ERLEC1: variants seen among roughly 807,000 people sequenced by gnomAD.
ERLEC1 encodes the protein ER lectin.
A neutral mutation model predicts 68.0 loss-of-function variants in ERLEC1; 47 were observed. That is an observed-to-expected ratio of 0.69 (90% CI 0.55 to 0.88). The LOEUF (loss-of-function observed/expected upper bound fraction) is 0.88, where lower values mean the gene tolerates loss of function less well. Ranked by LOEUF, ERLEC1 falls within the 40% of genes least tolerant of loss-of-function variation. ERLEC1 has a pLI of 0.00. For synonymous variants in ERLEC1, 225 were observed against 203.2 expected (o/e 1.11, Z -0.91); for missense variants, 567 against 583.8 (o/e 0.97, Z 0.30).
intron 1 of ERLEC1, among the ~76,000 whole-genome samples, chr2:53,792,920 G>C (rs1573065634): frequency 6.6e-6 from 1 of 152,084 alleles, no homozygotes; most frequent in East Asian, 1.9e-4. Flanking sequence ...TAAGGCGGGA[G>C]GATCACCTGA....
chr2:53,794,226 A>G (rs1675563433), intron 1 of ERLEC1, 119 bp from the exon 2 acceptor site: 1 of 509,504 alleles, frequency 2.0e-6, no homozygotes, highest in South Asian at 4.1e-5. Context: ...CCTTTAAAAT[A>G]ATCATCTGTT....
chr2:53,816,957 C>G (rs1393390135), intron 13 of ERLEC1, among the ~76,000 whole-genome samples: 1 of 152,158 alleles, frequency 6.6e-6, no homozygotes, highest in Non-Finnish European at 1.5e-5. Context: ...GAATCTCAGA[C>G]ACTGCTTTAT....
At chr2:53,815,922 C>G (rs1217310907) in intron 13 of ERLEC1, among the ~76,000 whole-genome samples, 3 of 152,130 alleles carry the variant, frequency 2.0e-5, no homozygotes, top group Admixed American at 6.5e-5. Flanking sequence ...TAACAGAGGT[C>G]TGGACATTAA....
intron 3 of ERLEC1, among the ~76,000 whole-genome samples, chr2:53,797,222 T>A (rs958328328): frequency 6.6e-5 from 10 of 152,194 alleles, no homozygotes; most frequent in African/African-American, 2.4e-4. Context: ...TTAATTTAAA[T>A]TGCTAATTGT....
rs1675791515 is a variant in ERLEC1 at position 53,797,751 on chromosome 2, A to T, written c.446A>T (p.Tyr149Phe). 5 of 1,612,428 alleles carry T rather than the reference A, an allele frequency of 3.1e-6. No individual in the cohort carries two copies. The highest frequency in any genetic ancestry group is 4.2e-6 in the Non-Finnish European group (5 of 1,179,028). ...ETGQKINIHE[Y>F]YLGNMLAKNL... ...ATGTAGAAAATAAATATTCACGAGT[A>T]CTACCTTGGGAATATGTTGGCCAAG... Residue 149 changes from tyrosine to phenylalanine, a missense_variant, in exon 5 of 14, where the codon TAC (tyrosine) becomes TTC (phenylalanine). Physicochemically the swap from Tyr to Phe is conservative, Grantham distance 22. Coordinates refer to ENST00000185150, the MANE Select transcript of ERLEC1 (RefSeq NM_015701.5).
intron 8 of ERLEC1, among the ~76,000 whole-genome samples, chr2:53,807,782 A>C (rs1278842648): frequency 6.6e-6 from 1 of 152,058 alleles, no homozygotes; most frequent in Non-Finnish European, 1.5e-5. Context: ...CGAGGTGGGT[A>C]GATTACTTGA....
intron 11 of ERLEC1, among the ~76,000 whole-genome samples, chr2:53,814,136 T>A (rs1201369213): frequency 6.6e-6 from 1 of 152,216 alleles, no homozygotes; most frequent in Non-Finnish European, 1.5e-5. Context: ...TCTTCTATAC[T>A]ACAGTGCCTA....
intron 9 of ERLEC1, 88 bp downstream of exon 9, chr2:53,808,548 T>C: frequency 2.3e-6 from 3 of 1,325,516 alleles, no homozygotes; most frequent in Non-Finnish European, 3.1e-6. Context: ...CTGAAAAGAA[T>C]TTTTCTCTAG....
chr2:53,805,665 G>A (rs1031602808), intron 8 of ERLEC1, among the ~76,000 whole-genome samples: 1 of 152,230 alleles, frequency 6.6e-6, no homozygotes, highest in Non-Finnish European at 1.5e-5. Context: ...TATAGACCCA[G>A]CAGTGGGATT....
intron 13 of ERLEC1, among the ~76,000 whole-genome samples, chr2:53,816,570 C>A (rs578071409): frequency 2.2e-4 from 33 of 151,958 alleles, no homozygotes; most frequent in African/African-American, 7.7e-4. Flanking sequence ...GCACCCAGCC[C>A]CATTTTCTTA....
At chr2:53,787,698 T>A (rs1675134111) in intron 1 of ERLEC1, 1 of 255,100 alleles carries the variant, frequency 3.9e-6, no homozygotes, top group Admixed American at 5.2e-5. Context: ...CTCATCTTCC[T>A]TTCGGAAAAT....
At position 53,810,603 on chromosome 2, in the gene ERLEC1, C is replaced by A. The variant is rs576721056; in HGVS notation, c.1101+1330C>A. ...GTTATCTAAAAAAGAAAATAATACC[C>A]AAAATAGAAAAGTGTATATTTGCCC... On this transcript the variant is annotated intron_variant, in intron 10 of 13. Transcript: ENST00000185150. Among the ~76,000 whole-genome samples, 3 of 152,204 alleles carry A rather than the reference C, an allele frequency of 2.0e-5. No homozygotes were observed. In the East Asian group the frequency reaches 5.8e-4, roughly 29 times the overall value.
intron 8 of ERLEC1, among the ~76,000 whole-genome samples, chr2:53,807,419 T>TC (rs397729197): frequency 3.4e-5 from 5 of 148,194 alleles, no homozygotes; most frequent in African/African-American, 1.3e-4. Context: ...GCCTTTTTTT[T>TC]CTTTGAGACA....
chr2:53,799,170 T>C (rs1259458748), intron 6 of ERLEC1, 89 bp downstream of exon 6: 1 of 1,091,186 alleles, frequency 9.2e-7, no homozygotes, highest in East Asian at 2.5e-5. Flanking sequence ...AATATATCTT[T>C]ATGTTCTTAT....
At chr2:53,795,577 T>C (rs564548033) in intron 2 of ERLEC1, among the ~76,000 whole-genome samples, 1 of 152,354 alleles carries the variant, frequency 6.6e-6, no homozygotes, top group South Asian at 2.1e-4. Context: ...GCTAAGAATT[T>C]GTTTGGGTAC....
chr2:53,804,828 TAACC>T (rs1676195940), intron 8 of ERLEC1, among the ~76,000 whole-genome samples: 1 of 152,058 alleles, frequency 6.6e-6, no homozygotes, highest in South Asian at 2.1e-4. Flanking sequence ...CAGCCTATAG[TAACC>T]ATCCTTCTAC....
chr2:53,806,322 G>C (rs548261764), intron 8 of ERLEC1, among the ~76,000 whole-genome samples: 59 of 152,114 alleles, frequency 3.9e-4, no homozygotes, highest in African/African-American at 1.4e-3. Context: ...AGTAATAAAG[G>C]GTCATGCTTC....
intron 1 of ERLEC1, among the ~76,000 whole-genome samples, 195 bp from the exon 2 acceptor site, chr2:53,794,150 A>C (rs1426620068): frequency 6.6e-6 from 1 of 152,244 alleles, no homozygotes; most frequent in Non-Finnish European, 1.5e-5. Flanking sequence ...ATATCCATGT[A>C]ACAAACCTGC....
At chr2:53,812,923 T>C in intron 10 of ERLEC1, 26 bp from the exon 11 acceptor site, 1 of 1,598,678 alleles carries the variant, frequency 6.3e-7, no homozygotes, top group Admixed American at 1.8e-5. Context: ...AAGCACGCAT[T>C]ATCACAAATT....
Sources: gnomAD v4.1 joint callset for allele counts (sites outside exome capture counted in the v4.1 genomes callset) on GRCh38, gnomAD v4.1.1 for gene constraint, MANE v1.5 for transcripts, NCBI Gene and HGNC (gene_info 2026-07-23, HGNC 2026-07-21) for gene names.